Variants in HECW1 observed in about 807,000 individuals in gnomAD.
The protein encoded by HECW1 is HECT, C2 and WW domain containing E3 ubiquitin protein ligase 1.
In HECW1, 61 loss-of-function variants were observed where a neutral mutation model predicts 182.3. That is an observed-to-expected ratio of 0.33 (90% CI 0.27 to 0.41). The LOEUF is 0.41. Ranked by LOEUF, HECW1 falls within the 10% of genes least tolerant of loss-of-function variation. HECW1 has a pLI of 1.00. For synonymous variants in HECW1, 859 were observed against 832.6 expected (o/e 1.03, Z -0.55); for missense variants, 1,739 against 2,108.9 (o/e 0.82, Z 3.44).
At chr7:43,267,097 A>G (rs1219064317) in intron 3 of HECW1, among the ~76,000 whole-genome samples, 1 of 152,212 alleles carries the variant, frequency 6.6e-6, no homozygotes, top group Non-Finnish European at 1.5e-5. Context: ...CACATAAAAA[A>G]GATAAATAAT....
chr7:43,219,887 C>T (rs769953876), intron 2 of HECW1, among the ~76,000 whole-genome samples: 12 of 152,146 alleles, frequency 7.9e-5, no homozygotes, highest in Non-Finnish European at 1.8e-4. Context: ...CTTACTACCA[C>T]AAAAGGTTCT....
chr7:43,167,894 T>C (rs895453572), intron 2 of HECW1, among the ~76,000 whole-genome samples: 1 of 152,276 alleles, frequency 6.6e-6, no homozygotes, highest in Non-Finnish European at 1.5e-5. Flanking sequence ...GTTAGGTGGC[T>C]TGCTAGTAAA....
chr7:43,345,520 G>T (rs1048030085), intron 5 of HECW1, among the ~76,000 whole-genome samples: 1 of 151,940 alleles, frequency 6.6e-6, no homozygotes, highest in South Asian at 2.1e-4. Context: ...GTGAGATTTT[G>T]ATGTACCCAT....
Position 43,432,017 on chromosome 7 carries a change from T to A in HECW1, c.802-5986T>A, listed in dbSNP as rs1480455978. Among the ~76,000 whole-genome samples, 2 of 151,618 alleles carry A rather than the reference T, an allele frequency of 1.3e-5. No homozygotes were observed. Among genetic ancestry groups the A allele is most frequent in the Non-Finnish European group, 2.9e-5 (2 of 67,848 alleles). On this transcript the variant is annotated intron_variant, in intron 8 of 29. Coordinates refer to ENST00000395891, the MANE Select transcript of HECW1 (RefSeq NM_015052.5). The surrounding 1 kb of genome is among the most constrained non-coding windows in gnomAD (Gnocchi z 4.1). ...TAATTTTTGTAGTTTTTAGTAGAGA[T>A]GGGGGTTTCACCATCTTGGCCAGGC...
chr7:43,247,130 T>C (rs2152722575), intron 3 of HECW1, among the ~76,000 whole-genome samples: 1 of 152,342 alleles, frequency 6.6e-6, no homozygotes, highest in East Asian at 1.9e-4. Flanking sequence ...TCAGTTCCTC[T>C]GGGCTGTTCA....
intron 2 of HECW1, among the ~76,000 whole-genome samples, chr7:43,156,275 T>C (rs1426920353): frequency 2.0e-5 from 3 of 152,236 alleles, no homozygotes; most frequent in Non-Finnish European, 4.4e-5. Flanking sequence ...GCAGAGTCTC[T>C]GAGGTATCTG....
intron 11 of HECW1, among the ~76,000 whole-genome samples, chr7:43,447,858 G>A (rs1039933601): frequency 1.3e-5 from 2 of 152,286 alleles, no homozygotes; most frequent in Admixed American, 1.3e-4. Flanking sequence ...GGGTGTGTGG[G>A]CTCACGCCTG....
chr7:43,480,928 T>A (rs2078411007), intron 17 of HECW1, among the ~76,000 whole-genome samples: 1 of 152,204 alleles, frequency 6.6e-6, no homozygotes, highest in African/African-American at 2.4e-5. Context: ...GAGTCCTGTG[T>A]ATACTCTGAG....
chr7:43,255,691 C>T (rs1800495111), intron 3 of HECW1, among the ~76,000 whole-genome samples: 1 of 151,960 alleles, frequency 6.6e-6, no homozygotes, highest in Admixed American at 6.6e-5. Flanking sequence ...CTGGGCCATG[C>T]ACTGTGCCAG....
At chr7:43,307,877 T>TATATATATATATATATATACAC (rs1562811810) in intron 3 of HECW1, among the ~76,000 whole-genome samples, 18 of 2,864 alleles carry the variant, frequency 6.3e-3, no homozygotes, top group Non-Finnish European at 8.7e-3. Flanking sequence ...ATCATTTCAC[T>TATATATATATATATATATACAC]ATATATATAT....
rs180823780 is a variant in HECW1, at chr7:43,468,039, G to T, written c.2914-881G>T. Among the ~76,000 whole-genome samples, 311 of 151,794 alleles carry T rather than the reference G, an allele frequency of 2.0e-3. 1 individual carries two copies. Among genetic ancestry groups the T allele is most frequent in the East Asian group, 5.3e-3 (27 of 5,096 alleles). ...GGGTGCAGGTGGCACTGGGCCAGTA[G>T]GTGCCACTGGCCCAACCCCCCGTCT... On this transcript the variant is annotated intron_variant, in intron 15 of 29. Coordinates refer to ENST00000395891, the MANE Select transcript of HECW1 (RefSeq NM_015052.5).
At chr7:43,397,760 G>A (rs1416461663) in intron 7 of HECW1, among the ~76,000 whole-genome samples, 2 of 152,158 alleles carry the variant, frequency 1.3e-5, no homozygotes, top group Non-Finnish European at 2.9e-5. Flanking sequence ...TCACAGTGGT[G>A]GAATGTCATC....
In HECW1 at chr7:43,243,892, C is replaced by G; in HGVS notation, c.-14C>G. Reference sequence around the variant, plus strand: ...TTCCCCAGGAATTGATGCGCGTACACGTGGTGGGTCATTATGCTGCTGCAC... The same window carrying G: ...TTCCCCAGGAATTGATGCGCGTACAGGTGGTGGGTCATTATGCTGCTGCAC... On this transcript the variant is annotated 5_prime_UTR_variant, in exon 3 of 30. Coordinates refer to ENST00000395891, the MANE Select transcript of HECW1 (RefSeq NM_015052.5). This position sits in a 1 kb window ranked among gnomAD's most constrained non-coding sequence, Gnocchi z 4.0. The G allele has an allele frequency of 1.2e-6, 2 of 1,613,354 alleles. No homozygotes were observed. Among genetic ancestry groups the G allele is most frequent in the Non-Finnish European group, 1.7e-6 (2 of 1,179,340 alleles).
At chr7:43,561,200 G>C (rs2082196851) in intron 29 of HECW1, among the ~76,000 whole-genome samples, 1 of 152,232 alleles carries the variant, frequency 6.6e-6, no homozygotes, top group Non-Finnish European at 1.5e-5. Context: ...AAGCAAGCTA[G>C]AACCCCGGGC....
At chr7:43,153,905 T>G (rs559214112) in intron 2 of HECW1, among the ~76,000 whole-genome samples, 2 of 152,314 alleles carry the variant, frequency 1.3e-5, no homozygotes, top group South Asian at 4.2e-4. Flanking sequence ...TTTTATGCTT[T>G]TTGTTGATGA....
chr7:43,164,079 TG>T (rs924520250), intron 2 of HECW1, among the ~76,000 whole-genome samples: 1 of 151,734 alleles, frequency 6.6e-6, no homozygotes, highest in Non-Finnish European at 1.5e-5. Flanking sequence ...GGCCCAGGCT[TG>T]GGTGGAGGTA....
intron 2 of HECW1, among the ~76,000 whole-genome samples, chr7:43,145,085 C>G (rs1438368753): frequency 6.6e-6 from 1 of 152,090 alleles, no homozygotes; most frequent in Admixed American, 6.5e-5. Flanking sequence ...TGTTTTACAA[C>G]TTTATTCCCA....
At chr7:43,555,463 G>T (rs1441150465) in intron 29 of HECW1, among the ~76,000 whole-genome samples, 1 of 152,204 alleles carries the variant, frequency 6.6e-6, no homozygotes, top group Admixed American at 6.5e-5. Context: ...AGAGACAGTT[G>T]TGCATAGGCG....
intron 24 of HECW1, chr7:43,511,989 A>C: frequency 4.8e-6 from 1 of 207,062 alleles, no homozygotes; most frequent in Non-Finnish European, 9.8e-6. Flanking sequence ...GAGTCCTCAA[A>C]TCTGATCGCT....
Sources: gnomAD v4.1 joint callset for allele counts (sites outside exome capture counted in the v4.1 genomes callset) on GRCh38, gnomAD v4.1.1 for gene constraint, Gnocchi (gnomAD v3.1) non-coding constraint, MANE v1.5 for transcripts, NCBI Gene and HGNC (gene_info 2026-07-23, HGNC 2026-07-21) for gene names.